The following ATF2 variants were observed in gnomAD, a reference collection of about 807,000 sequenced individuals.
ATF2 encodes activating transcription factor 2.
A neutral mutation model predicts 60.6 loss-of-function variants in ATF2; 24 were observed. The observed-to-expected ratio is 0.40, with a 90% confidence interval of 0.29 to 0.56. The LOEUF (loss-of-function observed/expected upper bound fraction) is 0.56. ATF2 is among the 20% of genes least tolerant of loss of function. The pLI is 0.54. For missense variants in ATF2, 433 were observed against 607.7 expected, an observed-to-expected ratio of 0.71 and a Z score of 3.02; for synonymous variants, 206 against 215.4, an observed-to-expected ratio of 0.96 and a Z score of 0.38.
chr2:175,140,655 A>G (rs978860220), intron 2 of ATF2, among the ~76,000 whole-genome samples: 1 of 151,292 alleles, frequency 6.6e-6, no homozygotes, highest in Non-Finnish European at 1.5e-5. Flanking sequence ...TATACCTTAA[A>G]AAGCTGTTTT....
chr2:175,093,366 C>T, intron 11 of ATF2, 99 bp from the exon 12 acceptor site: 1 of 1,230,416 alleles, frequency 8.1e-7, no homozygotes, highest in Non-Finnish European at 1.1e-6. Context: ...ACTGTATTTT[C>T]TAAGTCTTGT....
At chr2:175,120,253 T>C (rs1371303713) in intron 5 of ATF2, among the ~76,000 whole-genome samples, 3 of 151,448 alleles carry the variant, frequency 2.0e-5, no homozygotes, top group Admixed American at 6.6e-5. Context: ...TTTTGCTTGT[T>C]TGGTTCCTTT....
intron 1 of ATF2, among the ~76,000 whole-genome samples, chr2:175,161,453 A>G (rs1228343679): frequency 6.6e-6 from 1 of 152,232 alleles, no homozygotes; most frequent in Non-Finnish European, 1.5e-5. Flanking sequence ...CAGCAAGACT[A>G]TGAGTTAAAT....
At chr2:175,116,596 G>A (rs755919242) in intron 7 of ATF2, among the ~76,000 whole-genome samples, 12 of 151,870 alleles carry the variant, frequency 7.9e-5, no homozygotes, top group Non-Finnish European at 1.2e-4. Flanking sequence ...AAAGTTATGG[G>A]CCTGGATGAG....
At chr2:175,079,666 C>T (rs1001328916) in intron 13 of ATF2, among the ~76,000 whole-genome samples, 3 of 152,068 alleles carry the variant, frequency 2.0e-5, no homozygotes, top group African/African-American at 4.8e-5. Flanking sequence ...GATGAAACTG[C>T]TTATAATGAC....
intron 1 of ATF2, among the ~76,000 whole-genome samples, chr2:175,163,278 G>A (rs1700138381): frequency 1.3e-5 from 2 of 151,958 alleles, no homozygotes; most frequent in South Asian, 2.1e-4. Flanking sequence ...CAAAGGTTTC[G>A]GTTCTGCTAG....
chr2:175,077,617 T>C (rs1693429723), intron 13 of ATF2, among the ~76,000 whole-genome samples: 1 of 152,144 alleles, frequency 6.6e-6, no homozygotes, highest in Non-Finnish European at 1.5e-5. Context: ...GAAACGTAAA[T>C]ACATACTGGA....
intron 1 of ATF2, among the ~76,000 whole-genome samples, chr2:175,157,772 A>G (rs2105350454): frequency 6.6e-6 from 1 of 152,226 alleles, no homozygotes; most frequent in East Asian, 1.9e-4. Flanking sequence ...AGGTGGGTGG[A>G]TCACGAGATC....
At chr2:175,120,363 CTTAG>C (rs764606084) in intron 5 of ATF2, among the ~76,000 whole-genome samples, 3 of 150,486 alleles carry the variant, frequency 2.0e-5, no homozygotes, top group East Asian at 1.9e-4. Flanking sequence ...ACTTATGGAA[CTTAG>C]TTAGGATATG....
intron 5 of ATF2, among the ~76,000 whole-genome samples, chr2:175,118,677 C>T (rs1696749302): frequency 6.6e-6 from 1 of 151,598 alleles, no homozygotes; most frequent in Non-Finnish European, 1.5e-5. Context: ...TATTATCTAA[C>T]ACAGTATAAA....
At chr2:175,159,370 T>C (rs1699881897) in intron 1 of ATF2, among the ~76,000 whole-genome samples, 2 of 152,148 alleles carry the variant, frequency 1.3e-5, no homozygotes, top group Admixed American at 1.3e-4. Context: ...TCTGATGCTA[T>C]CTGTAAGTTT....
intron 10 of ATF2, among the ~76,000 whole-genome samples, chr2:175,106,442 C>T (rs1313784871): frequency 6.6e-6 from 1 of 151,666 alleles, no homozygotes; most frequent in Non-Finnish European, 1.5e-5. Context: ...GGGAAAATCG[C>T]TTGAACCTGG....
intron 1 of ATF2, among the ~76,000 whole-genome samples, chr2:175,159,129 T>C (rs1699860462): frequency 1.3e-5 from 2 of 151,850 alleles, no homozygotes; most frequent in Non-Finnish European, 2.9e-5. Flanking sequence ...ACCAGCCTGG[T>C]CATCATGGAG....
At chr2:175,085,553 T>TAC (rs56804408) in intron 12 of ATF2, among the ~76,000 whole-genome samples, 5,126 of 141,314 alleles carry the variant, frequency 0.036, 90 homozygotes, top group Middle Eastern at 0.057. Context: ...ATACATAACA[T>TAC]ACACACACAC....
chr2:175,136,474 C>A lies in ATF2; in HGVS notation c.-31G>T. On this transcript the variant is annotated 5_prime_UTR_variant, in exon 3 of 14. The change abolishes an upstream ATG in the 5' untranslated region. Transcript: ENST00000264110. Reference sequence around the variant, plus strand: ...GAATAACTTATCACATTCTTTTTCTCATGGCAAGAATACTGAAAAACAAAG... The same window carrying A: ...GAATAACTTATCACATTCTTTTTCTAATGGCAAGAATACTGAAAAACAAAG... 1 of 1,595,566 alleles carries A rather than the reference C, an allele frequency of 6.3e-7. No individual in the cohort carries two copies. Among genetic ancestry groups the A allele is most frequent in the Non-Finnish European group, 8.6e-7 (1 of 1,167,394 alleles).
At chr2:175,111,771 C>A in intron 9 of ATF2, 117 bp from the exon 10 acceptor site, 1 of 851,452 alleles carries the variant, frequency 1.2e-6, no homozygotes, top group South Asian at 1.9e-5. Context: ...AAATTTATCA[C>A]CAGCTGATTT....
At chr2:175,148,418 T>G (rs545253165) in intron 2 of ATF2, among the ~76,000 whole-genome samples, 1 of 151,882 alleles carries the variant, frequency 6.6e-6, no homozygotes, top group African/African-American at 2.4e-5. Context: ...CACAGTCCAC[T>G]GAGACTCTGA....
chr2:175,106,573 C>T (rs1695680416), intron 10 of ATF2, among the ~76,000 whole-genome samples: 2 of 151,436 alleles, frequency 1.3e-5, no homozygotes, highest in South Asian at 2.1e-4. Context: ...CAGTGACTCA[C>T]GCCTGTAATC....
intron 1 of ATF2, among the ~76,000 whole-genome samples, chr2:175,159,578 G>A (rs1056212740): frequency 2.6e-5 from 4 of 152,132 alleles, no homozygotes; most frequent in African/African-American, 7.2e-5. Context: ...GATGGTACAC[G>A]TAAAAAGTAT....
Sources: allele counts gnomAD v4.1 joint callset (sites outside exome capture counted in the v4.1 genomes callset), GRCh38; gene constraint gnomAD v4.1.1; transcripts MANE v1.5; gene names NCBI Gene and HGNC (gene_info 2026-07-23, HGNC 2026-07-21).